The following GAS2 variants were observed in gnomAD, a reference collection of about 807,000 sequenced individuals.
GAS2 encodes the protein growth arrest specific 2, also known as growth arrest-specific protein 2.
GAS2 carries 20 observed loss-of-function variants against 37.5 expected under a neutral mutation model. That is an observed-to-expected ratio of 0.53 (90% CI 0.37 to 0.77). The LOEUF is 0.77. Among genes scored for constraint, GAS2 ranks in the 30% least tolerant of loss-of-function variants. The pLI is 0.00. For synonymous variants in GAS2, 144 were observed against 132.2 expected (o/e 1.09, Z -0.61); for missense variants, 336 against 373.4 (o/e 0.90, Z 0.82).
In GAS2 at chr11:22,635,721, T is replaced by G. The variant is rs73471771; in HGVS notation, c.-21+9908T>G. Among the ~76,000 whole-genome samples, 379 of 152,364 alleles carry G rather than the reference T, an allele frequency of 2.5e-3. 1 individual carries two copies. The highest frequency in any genetic ancestry group is 8.5e-3 in the African/African-American group (353 of 41,588). On this transcript the variant is annotated intron_variant, in intron 1 of 5. Transcript: ENST00000528582. ...CTGGGAGCTTCTTTCAACCTGTGAC[T>G]GCTGCCTAAGTTAACTGACTGACTT...
At chr11:22,759,068 A>T (rs546240213) in intron 7 of GAS2, among the ~76,000 whole-genome samples, 17 of 152,260 alleles carry the variant, frequency 1.1e-4, no homozygotes, top group Non-Finnish European at 2.1e-4. Flanking sequence ...TAATCACTTT[A>T]TGTGTCGACT....
intron 7 of GAS2, among the ~76,000 whole-genome samples, chr11:22,784,884 G>T (rs1420329696): frequency 6.6e-6 from 1 of 152,056 alleles, no homozygotes; most frequent in Admixed American, 6.6e-5. Context: ...AAGATCTGAG[G>T]TCATGGTTTA....
intron 3 of GAS2, among the ~76,000 whole-genome samples, chr11:22,701,925 G>A (rs12222431): frequency 0.035 from 5,353 of 152,228 alleles, 296 homozygotes; most frequent in African/African-American, 0.12. Flanking sequence ...TGGGGCTGAA[G>A]TTAAAATAGA....
rs949544108 is a variant in GAS2 at position 22,749,361 on chromosome 11, C to A, written c.615+100C>A. ...GTATCAGTCTAATCTTTACCTATAT[C>A]AATTTTCTTGAAATGTATTTTAAGC... On this transcript the variant is annotated intron_variant, in intron 6 of 7. Coordinates refer to ENST00000454584, the MANE Select transcript of GAS2 (RefSeq NM_001143830.3). 3 of 1,101,414 alleles carry A rather than the reference C, an allele frequency of 2.7e-6. No individual in the cohort carries two copies. In the African/African-American group the frequency reaches 4.9e-5, roughly 18 times the overall value. The allele number at this position is 1,101,414 out of a possible 1,614,324, so 68.2% of individuals were successfully genotyped here.
intron 2 of GAS2, among the ~76,000 whole-genome samples, chr11:22,682,958 C>G (rs1695520): frequency 0.37 from 54,950 of 147,588 alleles, 11,110 homozygotes; most frequent in African/African-American, 0.55. Context: ...GTTACACTGG[C>G]TTTTTTGTAT....
intron 3 of GAS2, among the ~76,000 whole-genome samples, chr11:22,698,337 A>T (rs1045727765): frequency 1.3e-5 from 2 of 152,126 alleles, no homozygotes; most frequent in Admixed American, 6.6e-5. Context: ...TGAATCTCTG[A>T]ATAGACCAAT....
intron 2 of GAS2, among the ~76,000 whole-genome samples, chr11:22,681,249 A>C (rs1000153075): frequency 1.3e-5 from 2 of 152,172 alleles, no homozygotes; most frequent in African/African-American, 2.4e-5. Context: ...GGAGGAATAC[A>C]CTGATGTGTA....
At chr11:22,744,974 G>A (rs1007215478) in intron 5 of GAS2, among the ~76,000 whole-genome samples, 1 of 151,806 alleles carries the variant, frequency 6.6e-6, no homozygotes, top group African/African-American at 2.4e-5. Context: ...AGAAATAATA[G>A]ATGACACAAA....
chr11:22,648,136 G>A (rs369953571), intron 1 of GAS2, among the ~76,000 whole-genome samples: 19 of 152,202 alleles, frequency 1.2e-4, no homozygotes, highest in African/African-American at 4.1e-4. Context: ...TCAGCTTTCT[G>A]CATATGGCTA....
At chr11:22,689,982 T>C (rs1405835052) in intron 3 of GAS2, among the ~76,000 whole-genome samples, 3 of 152,212 alleles carry the variant, frequency 2.0e-5, no homozygotes, top group Non-Finnish European at 4.4e-5. Flanking sequence ...GAATTACTTT[T>C]AAAAAATTGA....
chr11:22,643,458 G>GA (rs112763541), intron 1 of GAS2, among the ~76,000 whole-genome samples: 22,207 of 113,714 alleles, frequency 0.2, 1,988 homozygotes, highest in East Asian at 0.37. Flanking sequence ...CATCTGTTTT[G>GA]AAAAAAAAAA....
chr11:22,787,740 C>A (rs1055597213), intron 7 of GAS2, among the ~76,000 whole-genome samples: 3 of 152,108 alleles, frequency 2.0e-5, no homozygotes, highest in African/African-American at 7.2e-5. Context: ...CGGGGACAAA[C>A]CCACGCATTT....
At chr11:22,751,655 T>G (rs1204375907) in intron 6 of GAS2, among the ~76,000 whole-genome samples, 1 of 152,036 alleles carries the variant, frequency 6.6e-6, no homozygotes, top group Non-Finnish European at 1.5e-5. Flanking sequence ...ATGCTGCCAC[T>G]TGAAGCTATT....
At chr11:22,683,165 G>GA (rs11433218) in intron 2 of GAS2, among the ~76,000 whole-genome samples, 50,600 of 150,736 alleles carry the variant, frequency 0.34, 9,350 homozygotes, top group African/African-American at 0.52. Flanking sequence ...CCCAAAAATG[G>GA]AAAAAAAAAG....
At chr11:22,772,249 G>T (rs573278224) in intron 7 of GAS2, among the ~76,000 whole-genome samples, 6 of 152,110 alleles carry the variant, frequency 3.9e-5, no homozygotes, top group Non-Finnish European at 8.8e-5. Flanking sequence ...CACCAAAGTC[G>T]ATTGAACCCC....
At chr11:22,725,719 C>T (rs1164851015) in intron 3 of GAS2, among the ~76,000 whole-genome samples, 1 of 152,104 alleles carries the variant, frequency 6.6e-6, no homozygotes, top group East Asian at 1.9e-4. Context: ...CCACCACACA[C>T]AGCAAATGTT....
At position 22,741,620 on chromosome 11, in the gene GAS2, AT is replaced by A. The variant is rs199530760; in HGVS notation, c.473+3857del. Among the ~76,000 whole-genome samples the A allele has an allele frequency of 7.1e-3, 1,085 of 152,172 alleles. 20 individuals are homozygous for A. The highest frequency in any genetic ancestry group is 0.025 in the African/African-American group (1,028 of 41,530). The stretch of plus-strand genomic sequence containing the variant: ...TTCGGAACATTTTCTTTAATCTGTG[AT>A]TTTTATTCATTACCTTTTAAAAGGA... On this transcript the variant is annotated intron_variant, in intron 5 of 7. Coordinates refer to ENST00000454584, the MANE Select transcript of GAS2 (RefSeq NM_001143830.3).
At chr11:22,727,120 G>T (rs1315598601) in intron 4 of GAS2, among the ~76,000 whole-genome samples, 1 of 152,038 alleles carries the variant, frequency 6.6e-6, no homozygotes, top group Non-Finnish European at 1.5e-5. Flanking sequence ...GGAGCATTCA[G>T]TGTTTCAATA....
chr11:22,751,231 A>G (rs954101871), intron 6 of GAS2, among the ~76,000 whole-genome samples: 5 of 151,868 alleles, frequency 3.3e-5, no homozygotes, highest in Non-Finnish European at 5.9e-5. Flanking sequence ...TGATGTAGCC[A>G]TTGTTGCTTT....
Sources: allele counts gnomAD v4.1 joint callset (sites outside exome capture counted in the v4.1 genomes callset), GRCh38; gene constraint gnomAD v4.1.1; transcripts MANE v1.5; gene names NCBI Gene and HGNC (gene_info 2026-07-23, HGNC 2026-07-21).